DNAJC13: variants seen among roughly 807,000 people sequenced by gnomAD.
DNAJC13 encodes dnaJ homolog subfamily C member 13.
Under a neutral mutation model 290.5 loss-of-function variants are expected in DNAJC13, and 75 were observed. That is an observed-to-expected ratio of 0.26 (90% confidence interval 0.21 to 0.31). The LOEUF (loss-of-function observed/expected upper bound fraction) is 0.31. Ranked by LOEUF, DNAJC13 falls within the 10% of genes least tolerant of loss-of-function variation. The pLI is 1.00. For missense variants in DNAJC13, 2,260 were observed against 2,674.5 expected (o/e 0.85, Z 3.42); for synonymous variants, 862 against 892.0 (o/e 0.97, Z 0.60).
intron 48 of DNAJC13, among the ~76,000 whole-genome samples, chr3:132,519,695 A>G (rs1253357505): frequency 6.6e-6 from 1 of 151,778 alleles, no homozygotes; most frequent in Non-Finnish European, 1.5e-5. Context: ...ATTTATGGCT[A>G]TGTTTTCTCC....
At chr3:132,509,036 A>G (rs928452694) in intron 43 of DNAJC13, among the ~76,000 whole-genome samples, 1 of 152,252 alleles carries the variant, frequency 6.6e-6, no homozygotes, top group Admixed American at 6.5e-5. Context: ...CCATGGATCA[A>G]GGAGTAATTT....
Position 132,490,789 on chromosome 3 carries a change from C to G in DNAJC13, c.3469-108C>G, listed in dbSNP as rs1935037284. On this transcript the variant is annotated intron_variant, in intron 31 of 55. Transcript: ENST00000260818. Reference sequence around the variant, plus strand: ...CCCAAAGCATAAAAGCAATTTGTTCCAATTGTGTTCTTTTCTTAAAGTGTT... The same window carrying G: ...CCCAAAGCATAAAAGCAATTTGTTCGAATTGTGTTCTTTTCTTAAAGTGTT... The G allele has an allele frequency of 7.0e-6, 8 of 1,146,260 alleles. No individual in the cohort carries two copies. In the South Asian group the frequency reaches 1.5e-4, roughly 21 times the overall value. 71.0% of individuals were successfully genotyped at this position (1,146,260 alleles called of 1,614,324 possible).
chr3:132,420,201 A>C (rs890231097), intron 1 of DNAJC13, among the ~76,000 whole-genome samples: 1 of 152,240 alleles, frequency 6.6e-6, no homozygotes, highest in Non-Finnish European at 1.5e-5. Context: ...CCCTGGGTCT[A>C]CTAGAAAAGA....
chr3:132,453,487 A>G lies in DNAJC13; in HGVS notation c.727A>G (p.Ile243Val). The change falls in exon 7 of 56, where the codon ATA (isoleucine) becomes GTA (valine). Residue 243 changes from isoleucine (I) to valine (V), a missense_variant. Ile to Val is a conservative substitution (Grantham distance 29, BLOSUM62 3). Around this residue, in one of 3 missense-constraint regions of DNAJC13, gnomAD observed 762 missense variants for 964.1 expected, o/e 0.79. Transcript: ENST00000260818. ...TSLAEFVVQK[I>V]SPRHSEPVKR... The stretch of plus-strand genomic sequence containing the variant: ...TTTAGCAGAGTTTGTAGTCCAAAAA[A>G]TATCACCTAGACATTCGGTAAGACC... 6.2e-7 allele frequency: 1 copy of G among 1,613,958 alleles called. No homozygotes were observed.
At chr3:132,505,942 G>A (rs543780465) in intron 42 of DNAJC13, among the ~76,000 whole-genome samples, 6 of 150,784 alleles carry the variant, frequency 4.0e-5, no homozygotes, top group Admixed American at 2.0e-4. Flanking sequence ...GTTATTTAGC[G>A]TTTTTGAGCT....
Position 132,482,123 on chromosome 3 carries a change from G to A in DNAJC13, c.2875-103G>A, listed in dbSNP as rs1018668218. The A allele has an allele frequency of 7.5e-6, 6 of 795,014 alleles. No homozygotes were observed. In the East Asian group the frequency reaches 1.4e-4, roughly 19 times the overall value. 49.2% of individuals were successfully genotyped at this position (795,014 alleles called of 1,614,324 possible). A position where few individuals can be genotyped will look rare whatever the true frequency, so the allele number is the denominator to read the frequency against. The stretch of plus-strand genomic sequence containing the variant: ...TAAACTTTCAGGTTAACTTTTAAAG[G>A]GATATAAACCCCTCCAAAGTACTGC... On this transcript the variant is annotated intron_variant, in intron 26 of 55. Transcript: ENST00000260818.
intron 43 of DNAJC13, among the ~76,000 whole-genome samples, chr3:132,509,064 T>G (rs1935691397): frequency 6.6e-6 from 1 of 152,254 alleles, no homozygotes; most frequent in Non-Finnish European, 1.5e-5. Flanking sequence ...TACATCTTGT[T>G]ATTTAAAACA....
intron 22 of DNAJC13, among the ~76,000 whole-genome samples, chr3:132,476,275 C>A (rs1934471459): frequency 6.6e-6 from 1 of 152,170 alleles, no homozygotes; most frequent in Non-Finnish European, 1.5e-5. Context: ...AAATTGTGCT[C>A]TTGTTCTTCC....
intron 43 of DNAJC13, among the ~76,000 whole-genome samples, chr3:132,508,591 T>C (rs1301295026): frequency 2.0e-5 from 3 of 152,122 alleles, no homozygotes; most frequent in Non-Finnish European, 4.4e-5. Context: ...TGGGTACTTA[T>C]GGACATAAAA....
At chr3:132,474,191 C>T (rs1934382207) in intron 21 of DNAJC13, 1 of 152,154 alleles carries the variant, frequency 6.6e-6, no homozygotes, top group African/African-American at 2.4e-5. Context: ...GTTCTTATCT[C>T]CCCAACCTAA....
At chr3:132,523,506 A>G in intron 50 of DNAJC13, 34 bp from the exon 51 acceptor site, 1 of 1,595,184 alleles carries the variant, frequency 6.3e-7, no homozygotes, top group Non-Finnish European at 8.5e-7. Flanking sequence ...AAGATTATTA[A>G]GTGACTTGAC....
chr3:132,453,940 CTT>C (rs1227895506), intron 8 of DNAJC13, 124 bp from the exon 9 acceptor site: 1 of 839,712 alleles, frequency 1.2e-6, no homozygotes, highest in Non-Finnish European at 1.8e-6. Context: ...GTTTTAAACT[CTT>C]ATATTGTAAA....
intron 44 of DNAJC13, among the ~76,000 whole-genome samples, chr3:132,511,522 T>C (rs1368257333): frequency 6.6e-6 from 1 of 152,168 alleles, no homozygotes; most frequent in Non-Finnish European, 1.5e-5. Context: ...AAATTTCACA[T>C]TGATGTCTTA....
chr3:132,516,427 C>G lies in DNAJC13; in HGVS notation c.5491C>G (p.Gln1831Glu). 6.2e-7 allele frequency: 1 copy of G among 1,613,658 alleles called. No homozygotes were observed. Among genetic ancestry groups the G allele is most frequent in the Non-Finnish European group, 8.5e-7 (1 of 1,179,728 alleles). Residue 1831 changes from glutamine (Q) to glutamate (E), a missense_variant, in exon 47 of 56, where the codon CAG becomes GAG. Gln to Glu is a conservative substitution (Grantham distance 29). This residue lies in a region of DNAJC13 where 1,494 missense variants were observed against 1,693.7 expected (regional missense o/e 0.88). Transcript: ENST00000260818. Reference protein sequence around the residue: ...ALLHSLPSSRQLVLETLYALT... With the variant: ...ALLHSLPSSRELVLETLYALT... The stretch of plus-strand genomic sequence containing the variant: ...AAATGTCTTTTACTCTGCAGGTCGT[C>G]AGCTTGTTCTGGAAACTCTTTATGC...
In DNAJC13 at chr3:132,529,039, G is replaced by A. The variant is rs908005564; in HGVS notation, c.6525+707G>A. ...TGGCATTTAGGACATTAACAGTGTT[G>A]TACAAACACCACCGTATCTAGTTCC... On this transcript the variant is annotated intron_variant, in intron 54 of 55. Transcript: ENST00000260818. 4.0e-5 allele frequency among the ~76,000 whole-genome samples: 6 copies of A among 151,878 alleles called. No homozygotes were observed. In the East Asian group the frequency reaches 1.2e-3, roughly 29 times the overall value.
intron 52 of DNAJC13, 44 bp downstream of exon 52, chr3:132,525,833 T>G (rs1165784769): frequency 3.2e-6 from 5 of 1,583,674 alleles, no homozygotes; most frequent in South Asian, 2.3e-5. Flanking sequence ...CCAGAATTTA[T>G]CTATGCTCCC....
rs769506052 is a variant in DNAJC13 at position 132,502,413 on chromosome 3, A to T, written c.4661A>T (p.Tyr1554Phe). ...LWYLLGFLFNYDYTLEESGIQ... is the reference protein window; with the variant it reads ...LWYLLGFLFNFDYTLEESGIQ... Reference sequence around the variant, plus strand: ...TATCTCCTTGGTTTTCTGTTTAATTATGACTACACACTAGAAGAGAGTGGC... The same window carrying T: ...TATCTCCTTGGTTTTCTGTTTAATTTTGACTACACACTAGAAGAGAGTGGC... Residue 1554 changes from tyrosine to phenylalanine, a missense_variant, in exon 40 of 56, where the codon TAT becomes TTT. Around this residue, in one of 3 missense-constraint regions of DNAJC13, gnomAD observed 1,494 missense variants for 1,693.7 expected, o/e 0.88. Transcript: ENST00000260818. 1 of 1,614,078 alleles carries T rather than the reference A, an allele frequency of 6.2e-7. No homozygotes were observed. Among genetic ancestry groups the T allele is most frequent in the South Asian group, 1.1e-5 (1 of 91,076 alleles).
At chr3:132,533,483 G>A (rs1054337265) in intron 55 of DNAJC13, among the ~76,000 whole-genome samples, 8 of 151,850 alleles carry the variant, frequency 5.3e-5, no homozygotes, top group African/African-American at 1.9e-4. Context: ...TTACAGGTGT[G>A]CACCACCATT....
intron 2 of DNAJC13, among the ~76,000 whole-genome samples, chr3:132,437,920 G>A (rs377709638): frequency 5.3e-5 from 8 of 151,986 alleles, no homozygotes; most frequent in Admixed American, 2.0e-4. Context: ...GCATGGCGGC[G>A]CTCCCCTTTA....
Sources: gnomAD v4.1 joint callset for allele counts (sites outside exome capture counted in the v4.1 genomes callset) on GRCh38, gnomAD v4.1.1 for gene constraint, gnomAD v4.1.1 regional missense constraint, MANE v1.5 for transcripts, NCBI Gene and HGNC (gene_info 2026-07-23, HGNC 2026-07-21) for gene names.